MEI4: variants seen among roughly 807,000 people sequenced by gnomAD.
MEI4 encodes meiotic double-stranded break formation protein 4.
A neutral mutation model predicts 31.4 loss-of-function variants in MEI4; 27 were observed. The observed-to-expected ratio is 0.86, with a 90% CI of 0.63 to 1.19. MEI4 has a LOEUF of 1.19. MEI4 is among the 50% of genes most tolerant of loss of function. The pLI, the probability that MEI4 is intolerant of heterozygous loss-of-function variation, is 0.00. For missense variants in MEI4, 329 were observed against 398.9 expected (o/e 0.82, Z 1.49); for synonymous variants, 122 against 145.4 (o/e 0.84, Z 1.16).
rs1347931376 is a variant in MEI4 at position 77,745,840 on chromosome 6, G to C, written c.233-15290G>C. On this transcript the variant is annotated intron_variant, in intron 2 of 4. Coordinates refer to ENST00000684080, the MANE Select transcript of MEI4 (RefSeq NM_001322247.2). Reference sequence around the variant, plus strand: ...CTCACTCAAAACCGCTCAACTACATGGAAACTGAACAACATGCTCCTGAAT... The same window carrying C: ...CTCACTCAAAACCGCTCAACTACATCGAAACTGAACAACATGCTCCTGAAT... Among the ~76,000 whole-genome samples the C allele has an allele frequency of 2.0e-5, 3 of 152,074 alleles. 1 individual carries two copies. The highest frequency in any genetic ancestry group is 1.5e-5 in the Non-Finnish European group (1 of 68,022).
At chr6:77,866,747 A>G (rs1771041872) in intron 4 of MEI4, among the ~76,000 whole-genome samples, 1 of 152,222 alleles carries the variant, frequency 6.6e-6, no homozygotes, top group Non-Finnish European at 1.5e-5. Context: ...GAACCAAAAA[A>G]GAGCCCACAT....
intron 2 of MEI4, among the ~76,000 whole-genome samples, chr6:77,701,613 A>G (rs954857066): frequency 2.0e-5 from 3 of 151,832 alleles, no homozygotes; most frequent in African/African-American, 7.3e-5. Context: ...ACATAGATAT[A>G]TAAATATAAC....
intron 4 of MEI4, among the ~76,000 whole-genome samples, chr6:77,885,392 A>G (rs1771594957): frequency 6.6e-6 from 1 of 151,920 alleles, no homozygotes; most frequent in Non-Finnish European, 1.5e-5. Context: ...AGGTTTTGCC[A>G]TGTTGCCCAG....
intron 3 of MEI4, among the ~76,000 whole-genome samples, chr6:77,817,964 A>G (rs182334536): frequency 6.6e-6 from 1 of 152,272 alleles, no homozygotes; most frequent in Non-Finnish European, 1.5e-5. Flanking sequence ...TTTGGCAGCA[A>G]CTTGAGCTGC....
intron 3 of MEI4, among the ~76,000 whole-genome samples, chr6:77,768,963 G>T (rs1045180413): frequency 2.6e-5 from 4 of 152,130 alleles, no homozygotes; most frequent in African/African-American, 9.7e-5. Flanking sequence ...TCTAGGAATT[G>T]CTGTACCCCC....
intron 3 of MEI4, among the ~76,000 whole-genome samples, chr6:77,818,630 G>A (rs1769743995): frequency 6.6e-6 from 1 of 151,934 alleles, no homozygotes; most frequent in Non-Finnish European, 1.5e-5. Flanking sequence ...AGTATTCTGT[G>A]TTATTATATA....
chr6:77,817,121 A>G (rs749610696), intron 3 of MEI4, among the ~76,000 whole-genome samples: 12 of 152,126 alleles, frequency 7.9e-5, no homozygotes, highest in Non-Finnish European at 1.6e-4. Flanking sequence ...TATTATACAC[A>G]TATTATTCTT....
At chr6:77,666,701 T>C (rs1177492870) in intron 1 of MEI4, among the ~76,000 whole-genome samples, 3 of 152,178 alleles carry the variant, frequency 2.0e-5, no homozygotes, top group African/African-American at 7.2e-5. Context: ...TTAGTCTTGC[T>C]TCTTTACGAT....
intron 2 of MEI4, among the ~76,000 whole-genome samples, chr6:77,741,426 G>A (rs1767396940): frequency 1.3e-5 from 2 of 152,030 alleles, no homozygotes; most frequent in South Asian, 4.1e-4. Context: ...AGAACCAGAA[G>A]GCAGTAATCA....
chr6:77,879,168 A>G (rs1562023397), intron 4 of MEI4, among the ~76,000 whole-genome samples: 1 of 152,196 alleles, frequency 6.6e-6, no homozygotes, highest in Non-Finnish European at 1.5e-5. Flanking sequence ...TTAAAATAAA[A>G]ATCATGTAAA....
chr6:77,865,543 T>G (rs892536976), intron 4 of MEI4, among the ~76,000 whole-genome samples: 1 of 152,108 alleles, frequency 6.6e-6, no homozygotes, highest in Admixed American at 6.6e-5. Flanking sequence ...AATTTGAATC[T>G]CTGAATAGAC....
chr6:77,894,734 C>T (rs1282940964), intron 4 of MEI4, among the ~76,000 whole-genome samples: 11 of 152,072 alleles, frequency 7.2e-5, no homozygotes, highest in Non-Finnish European at 1.6e-4. Context: ...GTTTTGTATC[C>T]ACTGCTCCTA....
chr6:77,773,034 TAGGAG>T (rs1768354441), intron 3 of MEI4, among the ~76,000 whole-genome samples: 1 of 151,666 alleles, frequency 6.6e-6, no homozygotes, highest in Admixed American at 6.6e-5. Context: ...ATGAAAGAAA[TAGGAG>T]AGGAAACACA....
chr6:77,921,283 T>C (rs905450521), intron 4 of MEI4, among the ~76,000 whole-genome samples: 2 of 151,900 alleles, frequency 1.3e-5, no homozygotes, highest in Non-Finnish European at 2.9e-5. Flanking sequence ...CTAAGCCTCC[T>C]GAACCAGCCT....
intron 2 of MEI4, among the ~76,000 whole-genome samples, chr6:77,740,197 G>T (rs1379069491): frequency 6.6e-6 from 1 of 152,290 alleles, no homozygotes; most frequent in East Asian, 1.9e-4. Context: ...TTCTGCATTT[G>T]CTGAGGAGTT....
chr6:77,910,212 A>G (rs1164457142), intron 4 of MEI4, among the ~76,000 whole-genome samples: 2 of 152,140 alleles, frequency 1.3e-5, no homozygotes, highest in African/African-American at 2.4e-5. Flanking sequence ...GGCCAGGGCA[A>G]TCAGGCAGGA....
At chr6:77,683,509 A>G (rs1417010150) in intron 1 of MEI4, among the ~76,000 whole-genome samples, 1 of 152,112 alleles carries the variant, frequency 6.6e-6, no homozygotes, top group Non-Finnish European at 1.5e-5. Context: ...GAAGTTATTC[A>G]TCTTGTCTAA....
intron 3 of MEI4, among the ~76,000 whole-genome samples, chr6:77,813,141 C>A (rs1015054014): frequency 6.6e-6 from 1 of 151,978 alleles, no homozygotes; most frequent in Non-Finnish European, 1.5e-5. Context: ...GGTGCCTGAT[C>A]CCAGTATTTT....
intron 3 of MEI4, among the ~76,000 whole-genome samples, chr6:77,774,259 C>G (rs916644151): frequency 3.9e-5 from 6 of 152,010 alleles, no homozygotes; most frequent in Non-Finnish European, 7.4e-5. Context: ...GGGGAGCAAT[C>G]TAAGTGTCCA....
Sources: allele counts gnomAD v4.1 joint callset (sites outside exome capture counted in the v4.1 genomes callset), GRCh38; gene constraint gnomAD v4.1.1; transcripts MANE v1.5; gene names NCBI Gene and HGNC (gene_info 2026-07-23, HGNC 2026-07-21).